The following MYO16 variants were observed in gnomAD, a reference collection of about 807,000 sequenced individuals.
MYO16 encodes unconventional myosin-XVI.
A neutral mutation model predicts 205.3 loss-of-function variants in MYO16; 94 were observed. The observed-to-expected ratio is 0.46, with a 90% confidence interval of 0.39 to 0.54. The LOEUF is 0.54. Ranked by LOEUF, MYO16 falls within the 20% of genes least tolerant of loss-of-function variation. The pLI is 0.00. For missense variants in MYO16, 2,315 were observed against 2,387.5 expected (o/e 0.97, Z 0.63); for synonymous variants, 988 against 954.0 (o/e 1.04, Z -0.66).
intron 3 of MYO16, among the ~76,000 whole-genome samples, chr13:108,718,180 TC>T (rs1884022821): frequency 6.6e-6 from 1 of 152,078 alleles, no homozygotes; most frequent in Non-Finnish European, 1.5e-5. Context: ...AGGCAGAATA[TC>T]AGGATTCTAG....
intron 20 of MYO16, among the ~76,000 whole-genome samples, chr13:108,969,613 C>G (rs1025245054): frequency 1.3e-5 from 2 of 152,158 alleles, no homozygotes; most frequent in African/African-American, 4.8e-5. Flanking sequence ...GAATTCCACC[C>G]AGACCAAAGC....
At position 108,609,445 on chromosome 13, in the gene MYO16, G is replaced by A. The variant is rs150785423; in HGVS notation, c.-39+13206G>A. 5.5e-3 allele frequency among the ~76,000 whole-genome samples: 837 copies of A among 152,236 alleles called. 4 individuals carry two copies. Among genetic ancestry groups the A allele is most frequent in the African/African-American group, 0.019 (777 of 41,526 alleles). ...TTCTGCTCACGGCACATACACCAGC[G>A]AGGTGCCTGGCCCCAAACAGGTGCT... On this transcript the variant is annotated intron_variant, in intron 1 of 24. Transcript: ENST00000251041.
At chr13:109,029,946 T>C in intron 23 of MYO16, among the ~76,000 whole-genome samples, 1 of 152,196 alleles carries the variant, frequency 6.6e-6, no homozygotes, top group East Asian at 1.9e-4. Flanking sequence ...TATAAAACTT[T>C]AGATTGTTCA....
intron 15 of MYO16, among the ~76,000 whole-genome samples, chr13:108,909,235 C>T (rs1226002594): frequency 1.3e-5 from 2 of 151,936 alleles, no homozygotes; most frequent in Non-Finnish European, 2.9e-5. Context: ...CAACTACTAT[C>T]AAATAAATTT....
intron 32 of MYO16, among the ~76,000 whole-genome samples, chr13:109,148,204 T>G (rs561372619): frequency 6.6e-6 from 1 of 150,944 alleles, no homozygotes; most frequent in Non-Finnish European, 1.5e-5. Flanking sequence ...AATTTATCTA[T>G]GTTAAGAGCA....
In MYO16 at chr13:108,736,536, G is replaced by A. The variant is rs571289193; in HGVS notation, c.507+8953G>A. On this transcript the variant is annotated intron_variant, in intron 4 of 34. Transcript: ENST00000457511. The stretch of plus-strand genomic sequence containing the variant: ...TTGGTACCAGTACCATGCTGTTTTG[G>A]TTACTATAACCTTGTAGTATAGTTT... Among the ~76,000 whole-genome samples, 18 of 152,236 alleles carry A rather than the reference G, an allele frequency of 1.2e-4. No individual in the cohort carries two copies. In the South Asian group the frequency reaches 3.7e-3, roughly 32 times the overall value.
rs143568960 is a variant in MYO16, at chr13:109,093,283, A to G, written c.3336-7502A>G. On this transcript the variant is annotated intron_variant, in intron 27 of 34. Coordinates refer to ENST00000457511, the MANE Select transcript of MYO16 (RefSeq NM_001198950.3). ...AGGCAAATGGAGCGTCTAACATAAC[A>G]CAGCTTGAGGTTGGAACCCCATGAG... 1.3e-3 allele frequency among the ~76,000 whole-genome samples: 198 copies of G among 152,290 alleles called. 1 individual carries two copies. The highest frequency in any genetic ancestry group is 4.5e-3 in the African/African-American group (189 of 41,556).
At chr13:108,841,964 C>T (rs1438557152) in intron 9 of MYO16, among the ~76,000 whole-genome samples, 1 of 151,830 alleles carries the variant, frequency 6.6e-6, no homozygotes, top group Non-Finnish European at 1.5e-5. Flanking sequence ...CTGCCAAGAC[C>T]CAATAGGGAA....
chr13:108,518,293 C>T, the MYO16 span, among the ~76,000 whole-genome samples: 3 of 152,160 alleles, frequency 2.0e-5, no homozygotes, highest in South Asian at 2.1e-4. Flanking sequence ...ATCCTTAATA[C>T]GACTCATAAT....
Position 108,785,624 on chromosome 13 carries a change from T to G in MYO16, c.508-11T>G. On this transcript the variant is annotated splice_polypyrimidine_tract_variant and intron_variant, in intron 4 of 34. Coordinates refer to ENST00000457511, the MANE Select transcript of MYO16 (RefSeq NM_001198950.3). Reference sequence around the variant, plus strand: ...GTATATATGATGTTATATTTTTTTCTTTTTATCTAGGCTGGAGCCAATGTC... The same window carrying G: ...GTATATATGATGTTATATTTTTTTCGTTTTATCTAGGCTGGAGCCAATGTC... 1 of 1,566,390 alleles carries G rather than the reference T, an allele frequency of 6.4e-7. No individual in the cohort carries two copies. Among genetic ancestry groups the G allele is most frequent in the Non-Finnish European group, 8.7e-7 (1 of 1,155,370 alleles).
intron 14 of MYO16, among the ~76,000 whole-genome samples, chr13:108,891,802 A>G (rs1350297639): frequency 6.6e-6 from 1 of 152,228 alleles, no homozygotes; most frequent in Non-Finnish European, 1.5e-5. Flanking sequence ...AATCAATGCC[A>G]TCTAAAGGTT....
At chr13:108,832,131 A>G (rs1876653445) in intron 9 of MYO16, among the ~76,000 whole-genome samples, 1 of 137,542 alleles carries the variant, frequency 7.3e-6, no homozygotes, top group South Asian at 2.4e-4. Flanking sequence ...GTGTATTTCA[A>G]TGTTCCGTAT....
intron 23 of MYO16, among the ~76,000 whole-genome samples, chr13:109,030,732 A>G (rs1488035311): frequency 2.6e-5 from 4 of 152,216 alleles, no homozygotes; most frequent in South Asian, 4.2e-4. Context: ...TAATATCTCT[A>G]TTAGTATAGC....
chr13:108,607,772 T>C (rs1344515174), intron 1 of MYO16, among the ~76,000 whole-genome samples: 5 of 152,188 alleles, frequency 3.3e-5, no homozygotes, highest in Non-Finnish European at 7.3e-5. Context: ...TTTTTGGGAC[T>C]GAACTCAATG....
At chr13:108,751,714 A>G (rs1594264587) in intron 4 of MYO16, among the ~76,000 whole-genome samples, 1 of 152,108 alleles carries the variant, frequency 6.6e-6, no homozygotes, top group East Asian at 1.9e-4. Flanking sequence ...ATGTGATGTC[A>G]TGGGAATGGC....
At chr13:108,628,213 A>C (rs1045942694), upstream of MYO16, among the ~76,000 whole-genome samples, 3 of 152,180 alleles carry the variant, frequency 2.0e-5, no homozygotes, top group Non-Finnish European at 2.9e-5. Context: ...CAAAATGGTG[A>C]CTTTTGTGAC....
At chr13:108,886,308 AGTTAATGATTCCCT>A (rs1879881741) in intron 13 of MYO16, 4 of 408,792 alleles carry the variant, frequency 9.8e-6, no homozygotes, top group Non-Finnish European at 2.0e-5. Flanking sequence ...CATTTTTTAA[AGTTAATGATTCCCT>A]GTACCAACCC....
intron 27 of MYO16, among the ~76,000 whole-genome samples, chr13:109,060,331 G>T (rs562624854): frequency 6.6e-6 from 1 of 152,124 alleles, no homozygotes; most frequent in African/African-American, 2.4e-5. Flanking sequence ...CATGTCCTTT[G>T]CAGGGACATG....
intron 1 of MYO16, among the ~76,000 whole-genome samples, chr13:108,607,659 G>C (rs908569618): frequency 3.3e-5 from 5 of 152,108 alleles, no homozygotes; most frequent in African/African-American, 1.2e-4. Flanking sequence ...AACTAATACA[G>C]TAAATAACAA....
Sources: gnomAD v4.1 joint callset for allele counts (sites outside exome capture counted in the v4.1 genomes callset) on GRCh38, gnomAD v4.1.1 for gene constraint, MANE v1.5 for transcripts, NCBI Gene and HGNC (gene_info 2026-07-23, HGNC 2026-07-21) for gene names.